The following PSD3 variants were observed in gnomAD, a reference collection of about 807,000 sequenced individuals.
The protein encoded by PSD3 is PH and SEC7 domain-containing protein 3.
In PSD3, 49 loss-of-function variants were observed where a neutral mutation model predicts 105.5. The ratio of observed to expected loss-of-function variants is 0.46; its 90% confidence interval spans 0.37 to 0.59. The LOEUF (loss-of-function observed/expected upper bound fraction) is 0.59, where lower values mean the gene tolerates loss of function less well. Among genes scored for constraint, PSD3 ranks in the 20% least tolerant of loss-of-function variants. The probability of loss-of-function intolerance (pLI) is 0.00; values close to 1 mark genes in which losing one functional copy is unlikely to be tolerated. For synonymous variants in PSD3, 557 were observed against 457.8 expected (o/e 1.22, Z -2.77); for missense variants, 1,561 against 1,263.8 (o/e 1.24, Z -3.57).
intron 9 of PSD3, among the ~76,000 whole-genome samples, chr8:18,698,044 G>C (rs574399026): frequency 6.6e-6 from 1 of 151,900 alleles, no homozygotes; most frequent in Non-Finnish European, 1.5e-5. Context: ...ATAAGTTAAC[G>C]AACTTAAGGA....
intron 9 of PSD3, among the ~76,000 whole-genome samples, chr8:18,732,241 A>G (rs1803812207): frequency 1.3e-5 from 2 of 152,186 alleles, no homozygotes; most frequent in Non-Finnish European, 2.9e-5. Context: ...ACGAACTCGT[A>G]CTAAAACAAA....
intron 8 of PSD3, among the ~76,000 whole-genome samples, chr8:18,770,347 C>T (rs1014959243): frequency 5.9e-5 from 9 of 152,066 alleles, no homozygotes; most frequent in Non-Finnish European, 1.0e-4. Flanking sequence ...AGTTGTAAGA[C>T]TTCTTTACAC....
At chr8:18,614,494 C>G (rs1160904818) in intron 11 of PSD3, among the ~76,000 whole-genome samples, 1 of 151,416 alleles carries the variant, frequency 6.6e-6, no homozygotes, top group Non-Finnish European at 1.5e-5. Context: ...AAACTGTGGT[C>G]GATTATTCCA....
intron 8 of PSD3, among the ~76,000 whole-genome samples, chr8:18,767,087 C>A (rs537565517): frequency 4.6e-5 from 7 of 152,250 alleles, no homozygotes; most frequent in African/African-American, 1.7e-4. Context: ...GTTCGCAAAA[C>A]GTACAGGAAA....
intron 2 of PSD3, among the ~76,000 whole-genome samples, chr8:18,915,224 A>G (rs1396336838): frequency 6.6e-6 from 1 of 152,186 alleles, no homozygotes; most frequent in Non-Finnish European, 1.5e-5. Flanking sequence ...TGTATGACCC[A>G]AAACTACAAA....
intron 1 of PSD3, among the ~76,000 whole-genome samples, chr8:19,028,726 G>A (rs1827655791): frequency 6.6e-6 from 1 of 152,066 alleles, no homozygotes; most frequent in Admixed American, 6.6e-5. Flanking sequence ...TATGGTTTGT[G>A]CTATGTTGTG....
chr8:18,555,914 G>A (rs1436803190), intron 15 of PSD3, among the ~76,000 whole-genome samples: 2 of 152,164 alleles, frequency 1.3e-5, no homozygotes, highest in African/African-American at 2.4e-5. Context: ...GTCCACCCTG[G>A]TGTGTCCCTC....
chr8:18,572,858 G>C (rs1023740121), intron 13 of PSD3, among the ~76,000 whole-genome samples, 186 bp from the exon 14 acceptor site: 1 of 152,220 alleles, frequency 6.6e-6, no homozygotes, highest in Non-Finnish European at 1.5e-5. Context: ...AAGAAGCTAT[G>C]ATCATCACAG....
intron 10 of PSD3, among the ~76,000 whole-genome samples, chr8:18,641,325 G>A (rs1807626282): frequency 6.6e-6 from 1 of 152,154 alleles, no homozygotes; most frequent in Non-Finnish European, 1.5e-5. Flanking sequence ...AGTAGTGATG[G>A]GAAGGAGCTC....
chr8:18,601,529 A>C lies in PSD3; in HGVS notation c.2411-1095T>G, dbSNP rs552292210. ...TAGACTTGGAACTAGGTGAATAGCCACTTACAGAACACAGGCAATCCTGCC... is the reference window on the plus strand; with the variant it reads ...TAGACTTGGAACTAGGTGAATAGCCCCTTACAGAACACAGGCAATCCTGCC... On this transcript the variant is annotated intron_variant, in intron 11 of 15. Coordinates refer to ENST00000327040, the MANE Select transcript of PSD3 (RefSeq NM_015310.4). 3.3e-5 allele frequency among the ~76,000 whole-genome samples: 5 copies of C among 152,314 alleles called. No homozygotes were observed. In the South Asian group the frequency reaches 1.0e-3, roughly 32 times the overall value.
intron 1 of PSD3, among the ~76,000 whole-genome samples, chr8:18,962,114 C>T (rs961132666): frequency 9.9e-5 from 15 of 152,114 alleles, no homozygotes; most frequent in South Asian, 2.1e-4. Flanking sequence ...GGCCTGGTGG[C>T]GGGCACCTGT....
chr8:18,809,015 G>T, intron 4 of PSD3: 1 of 1,082,886 alleles, frequency 9.2e-7, no homozygotes, highest in Non-Finnish European at 1.2e-6. Context: ...AAGGGCCACT[G>T]TCTATCGAGA....
chr8:19,067,269 C>A (rs1829105258), intron 1 of PSD3, among the ~76,000 whole-genome samples: 1 of 152,046 alleles, frequency 6.6e-6, no homozygotes, highest in African/African-American at 2.4e-5. Flanking sequence ...ATTTCCATGC[C>A]CTCTTGCGTG....
At chr8:18,733,630 T>C (rs1803932181) in intron 9 of PSD3, 1 of 152,856 alleles carries the variant, frequency 6.5e-6, no homozygotes, top group Admixed American at 6.5e-5. Flanking sequence ...CAGAGGCTTT[T>C]TACTTTCACA....
chr8:18,612,164 T>C (rs985507338), intron 11 of PSD3, among the ~76,000 whole-genome samples: 4 of 92,806 alleles, frequency 4.3e-5, no homozygotes, highest in Non-Finnish European at 7.1e-5. Context: ...AATTTCTTTG[T>C]TTCTGCCCAT....
intron 1 of PSD3, among the ~76,000 whole-genome samples, chr8:19,006,274 A>G (rs1174127992): frequency 6.8e-6 from 1 of 147,602 alleles, no homozygotes; most frequent in Non-Finnish European, 1.5e-5. Flanking sequence ...GGCCTGGGTG[A>G]CAAGAGCGAA....
chr8:18,763,090 C>T (rs148878532), intron 9 of PSD3: 81 of 465,206 alleles, frequency 1.7e-4, no homozygotes, highest in African/African-American at 9.5e-4. Flanking sequence ...GAACAACAGA[C>T]ATTCAAGTAC....
intron 9 of PSD3, among the ~76,000 whole-genome samples, chr8:18,743,138 C>T (rs545954055): frequency 3.3e-5 from 5 of 152,240 alleles, no homozygotes; most frequent in Admixed American, 2.6e-4. Context: ...AAGGGCAAAC[C>T]TCCCCTTTGC....
At chr8:18,862,042 T>A (rs1816492504) in intron 4 of PSD3, among the ~76,000 whole-genome samples, 1 of 152,208 alleles carries the variant, frequency 6.6e-6, no homozygotes, top group Non-Finnish European at 1.5e-5. Context: ...CTTCTGTCCA[T>A]GGCCGAGTGG....
Sources: allele counts gnomAD v4.1 joint callset (sites outside exome capture counted in the v4.1 genomes callset), GRCh38; gene constraint gnomAD v4.1.1; transcripts MANE v1.5; gene names NCBI Gene and HGNC (gene_info 2026-07-23, HGNC 2026-07-21).